The following TMEM108 variants were observed in gnomAD, a reference collection of about 807,000 sequenced individuals.
TMEM108 encodes the protein cancer/testis antigen 124.
In TMEM108, 12 loss-of-function variants were observed where a neutral mutation model predicts 35.1. The ratio of observed to expected loss-of-function variants is 0.34; its 90% CI spans 0.22 to 0.55. TMEM108 has a LOEUF of 0.55. TMEM108 is among the 20% of genes least tolerant of loss of function. The probability of loss-of-function intolerance (pLI) is 0.89; values close to 1 mark genes in which losing one functional copy is unlikely to be tolerated. For missense variants in TMEM108, 680 were observed against 753.3 expected, an observed-to-expected ratio of 0.90 and a Z score of 1.14; for synonymous variants, 287 against 308.6, an observed-to-expected ratio of 0.93 and a Z score of 0.73.
chr3:133,355,728 AG>A (rs1004085888), intron 3 of TMEM108, among the ~76,000 whole-genome samples: 1 of 152,220 alleles, frequency 6.6e-6, no homozygotes, highest in Non-Finnish European at 1.5e-5. Flanking sequence ...GCTTGCAAAA[AG>A]ATTGGCAGTT....
intron 4 of TMEM108, among the ~76,000 whole-genome samples, chr3:133,383,193 C>T (rs1447870888): frequency 6.6e-6 from 1 of 152,174 alleles, no homozygotes; most frequent in East Asian, 1.9e-4. Flanking sequence ...CTAGGATGCT[C>T]TCGTTTACAA....
At chr3:133,258,652 A>C (rs567267959) in intron 3 of TMEM108, among the ~76,000 whole-genome samples, 3 of 152,336 alleles carry the variant, frequency 2.0e-5, no homozygotes, top group African/African-American at 7.2e-5. Flanking sequence ...CCACTGCCTC[A>C]TACTGCTATT....
chr3:133,086,808 G>A (rs1379541101), intron 2 of TMEM108, among the ~76,000 whole-genome samples: 2 of 152,196 alleles, frequency 1.3e-5, no homozygotes, highest in Non-Finnish European at 2.9e-5. Context: ...GTCCACTATG[G>A]TGTAGTTTGG....
At chr3:133,288,894 C>T (rs911358635) in intron 3 of TMEM108, among the ~76,000 whole-genome samples, 1 of 152,024 alleles carries the variant, frequency 6.6e-6, no homozygotes, top group Non-Finnish European at 1.5e-5. Flanking sequence ...TGCCACCACA[C>T]CTGGCTAATT....
chr3:133,108,826 G>C (rs918613980), intron 2 of TMEM108, among the ~76,000 whole-genome samples: 1 of 143,826 alleles, frequency 7.0e-6, no homozygotes, highest in Non-Finnish European at 1.5e-5. Flanking sequence ...ATCACACTCC[G>C]GGGACTGTTG....
intron 2 of TMEM108, among the ~76,000 whole-genome samples, chr3:133,112,954 A>C (rs1014377037): frequency 2.6e-5 from 4 of 152,234 alleles, no homozygotes; most frequent in Non-Finnish European, 5.9e-5. Context: ...TAAAACAAAA[A>C]GAAACCTAAT....
chr3:133,279,225 G>C (rs1184145270), intron 3 of TMEM108, among the ~76,000 whole-genome samples: 6 of 152,172 alleles, frequency 3.9e-5, no homozygotes, highest in Non-Finnish European at 5.9e-5. Flanking sequence ...GAAATCCTCT[G>C]TTCTACCTCC....
intron 2 of TMEM108, among the ~76,000 whole-genome samples, chr3:133,092,520 C>T (rs1437734142): frequency 6.6e-6 from 1 of 152,154 alleles, no homozygotes; most frequent in African/African-American, 2.4e-5. Flanking sequence ...ACAGCTGACA[C>T]AATGGCCATT....
intron 2 of TMEM108, among the ~76,000 whole-genome samples, chr3:133,172,585 T>G (rs1192915619): frequency 6.6e-6 from 1 of 152,236 alleles, no homozygotes; most frequent in African/African-American, 2.4e-5. Flanking sequence ...TTTTAAAACT[T>G]TATTTCAACA....
At chr3:133,251,321 T>G (rs1946466446) in intron 3 of TMEM108, among the ~76,000 whole-genome samples, 1 of 152,184 alleles carries the variant, frequency 6.6e-6, no homozygotes. Context: ...AATCAAATTG[T>G]TATGGACATT....
chr3:133,302,224 A>G (rs553786780), intron 3 of TMEM108, among the ~76,000 whole-genome samples: 19 of 152,238 alleles, frequency 1.2e-4, no homozygotes, highest in African/African-American at 4.6e-4. Flanking sequence ...TTCTTGTTAA[A>G]ACCCAAACTG....
At chr3:133,110,512 T>C (rs1164050067) in intron 2 of TMEM108, among the ~76,000 whole-genome samples, 1 of 152,232 alleles carries the variant, frequency 6.6e-6, no homozygotes, top group Non-Finnish European at 1.5e-5. Context: ...GTGACATTTC[T>C]AGTTGGATCA....
rs148943162 is a variant in TMEM108 at position 133,066,585 on chromosome 3, C to T, written c.-47+20565C>T. ...TTTAAAAAGGACCTCTATTCCATTA[C>T]GTGATATCCTTAGTATAGGAGCAAA... On this transcript the variant is annotated intron_variant, in intron 2 of 5. Coordinates refer to ENST00000321871, the MANE Select transcript of TMEM108 (RefSeq NM_023943.4). 8.0e-3 allele frequency among the ~76,000 whole-genome samples: 1,224 copies of T among 152,210 alleles called. 21 individuals carry two copies. Among genetic ancestry groups the T allele is most frequent in the African/African-American group, 0.027 (1,128 of 41,538 alleles).
intron 3 of TMEM108, among the ~76,000 whole-genome samples, chr3:133,325,800 A>C (rs1442850484): frequency 2.0e-5 from 3 of 151,534 alleles, no homozygotes; most frequent in African/African-American, 7.3e-5. Context: ...TGTAAAATCA[A>C]TATATGGAAT....
At chr3:133,211,782 C>G (rs1234964637) in intron 2 of TMEM108, among the ~76,000 whole-genome samples, 1 of 152,154 alleles carries the variant, frequency 6.6e-6, no homozygotes, top group African/African-American at 2.4e-5. Context: ...GAGGAGCACT[C>G]AAGCAATTAC....
chr3:133,143,921 C>CTTTTATTTTATTTTATTTTA lies in TMEM108; in HGVS notation c.-46-85300_-46-85281dup, dbSNP rs3078779. Among the ~76,000 whole-genome samples the CTTTTATTTTATTTTATTTTA allele has an allele frequency of 2.5e-3, 328 of 131,248 alleles. 4 individuals carry two copies. The highest frequency in any genetic ancestry group is 8.8e-3 in the African/African-American group (299 of 33,864). The allele number at this position is 131,248 out of a possible 152,430, so 86.1% of individuals were successfully genotyped here. A position where few individuals can be genotyped will look rare whatever the true frequency, so the allele number is the denominator to read the frequency against. ...ATTCTACAAGGGAAAGGAAGGCTCACTTTTATTTTATTTTATTTTATTTTA... is the reference window on the plus strand; with the variant it reads ...ATTCTACAAGGGAAAGGAAGGCTCACTTTTATTTTATTTTATTTTATTTTATTTTATTTTATTTTATTTTA... On this transcript the variant is annotated intron_variant, in intron 2 of 5. Coordinates refer to ENST00000321871, the MANE Select transcript of TMEM108 (RefSeq NM_023943.4).
At chr3:133,217,194 G>A (rs1398529453) in intron 2 of TMEM108, among the ~76,000 whole-genome samples, 1 of 151,958 alleles carries the variant, frequency 6.6e-6, no homozygotes, top group Non-Finnish European at 1.5e-5. Flanking sequence ...GTGATGTTGA[G>A]CATTTTTTCA....
chr3:133,282,020 G>A (rs1435039193), intron 3 of TMEM108, among the ~76,000 whole-genome samples: 1 of 152,172 alleles, frequency 6.6e-6, no homozygotes, highest in Non-Finnish European at 1.5e-5. Context: ...AGCTGGGCAT[G>A]GTGGCAGGCA....
At chr3:133,385,132 G>A (rs1038660772) in intron 4 of TMEM108, among the ~76,000 whole-genome samples, 53 of 152,174 alleles carry the variant, frequency 3.5e-4, no homozygotes, top group African/African-American at 1.3e-3. Flanking sequence ...CCCTGAATGA[G>A]TTTATAATTA....
Sources: gnomAD v4.1 joint callset for allele counts (sites outside exome capture counted in the v4.1 genomes callset) on GRCh38, gnomAD v4.1.1 for gene constraint, MANE v1.5 for transcripts, NCBI Gene and HGNC (gene_info 2026-07-23, HGNC 2026-07-21) for gene names.